Variants in INTS9 observed in about 807,000 individuals in gnomAD.
INTS9 encodes the protein protein related to CPSF subunits of 74 kDa.
A neutral mutation model predicts 79.7 loss-of-function variants in INTS9; 55 were observed. That is an observed-to-expected ratio of 0.69 (90% CI 0.56 to 0.86). INTS9 has a LOEUF of 0.86. Ranked by LOEUF, INTS9 falls within the 40% of genes least tolerant of loss-of-function variation. The pLI is 0.00. For synonymous variants in INTS9, 319 were observed against 325.2 expected (o/e 0.98, Z 0.20); for missense variants, 721 against 831.5 (o/e 0.87, Z 1.64).
Position 28,871,610 on chromosome 8 carries a change from T to G in INTS9, c.10-12047A>C, listed in dbSNP as rs187768894. On this transcript the variant is annotated intron_variant, in intron 1 of 16. Transcript: ENST00000521022. ...TTGTGGAGATGAAGCCTCACTATGT[T>G]GCCCAGGCTGGTCCTGAACTCCTGG... Among the ~76,000 whole-genome samples the G allele has an allele frequency of 3.8e-3, 577 of 152,222 alleles. 2 individuals are homozygous for G. Among genetic ancestry groups the G allele is most frequent in the Non-Finnish European group, 5.6e-3 (378 of 68,014 alleles).
Position 28,771,093 on chromosome 8 carries a change from G to A in INTS9, c.1564-13C>T, listed in dbSNP as rs776534307. 1 of 1,589,314 alleles carries A rather than the reference G, an allele frequency of 6.3e-7. No individual in the cohort carries two copies. The highest frequency in any genetic ancestry group is 1.3e-5 in the African/African-American group (1 of 74,198). Reference sequence around the variant, plus strand: ...GTGAATCTGCGAGCTGAAAGCAAAGGGCGCAGTTCAGGCTGGGGGCCTTTA... The same window carrying A: ...GTGAATCTGCGAGCTGAAAGCAAAGAGCGCAGTTCAGGCTGGGGGCCTTTA... On this transcript the variant is annotated splice_polypyrimidine_tract_variant and intron_variant, in intron 14 of 16. Coordinates refer to ENST00000521022, the MANE Select transcript of INTS9 (RefSeq NM_018250.4).
At position 28,771,162 on chromosome 8, in the gene INTS9, CA is replaced by C. The variant is rs1318955069; in HGVS notation, c.1564-83del. ...CCTTTAATCTGTATTTACATCACTG[CA>C]GTCTAAAAAGATGAAATAACTTTAA... On this transcript the variant is annotated intron_variant, in intron 14 of 16. Coordinates refer to ENST00000521022, the MANE Select transcript of INTS9 (RefSeq NM_018250.4). The C allele has an allele frequency of 3.0e-6, 3 of 1,007,940 alleles. No homozygotes were observed. The East Asian group carries it at 7.8e-5, about 26-fold the overall frequency. The allele number at this position is 1,007,940 out of a possible 1,614,324, so 62.4% of individuals were successfully genotyped here.
intron 6 of INTS9, among the ~76,000 whole-genome samples, chr8:28,815,224 C>G (rs1805399697): frequency 6.6e-6 from 1 of 152,018 alleles, no homozygotes; most frequent in African/African-American, 2.4e-5. Flanking sequence ...ATAAAAAGAG[C>G]TGTTACAAAT....
intron 1 of INTS9, among the ~76,000 whole-genome samples, chr8:28,870,990 C>A (rs1809059713): frequency 6.6e-6 from 1 of 152,120 alleles, no homozygotes; most frequent in African/African-American, 2.4e-5. Context: ...TTAAAGACAG[C>A]GAACATTTAT....
intron 3 of INTS9, among the ~76,000 whole-genome samples, chr8:28,848,545 C>T (rs967047942): frequency 6.6e-6 from 1 of 152,136 alleles, no homozygotes; most frequent in African/African-American, 2.4e-5. Context: ...TTCTTAATTA[C>T]AATGTACCTG....
chr8:28,853,935 G>T (rs182585256), intron 2 of INTS9, among the ~76,000 whole-genome samples: 101 of 152,192 alleles, frequency 6.6e-4, no homozygotes, highest in African/African-American at 2.4e-3. Flanking sequence ...TAACCAGGAT[G>T]GTCTCGATCT....
intron 1 of INTS9, 136 bp from the exon 2 acceptor site, chr8:28,859,699 C>T (rs200707513): frequency 4.9e-5 from 45 of 911,558 alleles, no homozygotes; most frequent in Admixed American, 3.8e-4. Flanking sequence ...ATGTGGTTTC[C>T]GCCCTTTTAC....
At chr8:28,840,199 C>T (rs1350530359) in intron 4 of INTS9, among the ~76,000 whole-genome samples, 2 of 151,152 alleles carry the variant, frequency 1.3e-5, no homozygotes, top group South Asian at 2.1e-4. Flanking sequence ...AAATGCTCAC[C>T]ATCACTGGCC....
At chr8:28,848,583 T>C (rs1807659432) in intron 3 of INTS9, among the ~76,000 whole-genome samples, 1 of 152,206 alleles carries the variant, frequency 6.6e-6, no homozygotes, top group Non-Finnish European at 1.5e-5. Context: ...AGCAATTATG[T>C]TTAATGGGAG....
At chr8:28,887,384 G>T (rs114037416) in intron 1 of INTS9, among the ~76,000 whole-genome samples, 3 of 152,162 alleles carry the variant, frequency 2.0e-5, no homozygotes, top group Admixed American at 6.5e-5. Flanking sequence ...GTTGAATTCC[G>T]ATTACAAAGA....
At chr8:28,777,582 C>T (rs1204770740) in intron 13 of INTS9, among the ~76,000 whole-genome samples, 6 of 150,348 alleles carry the variant, frequency 4.0e-5, no homozygotes, top group African/African-American at 1.2e-4. Context: ...TGCTTTTAAG[C>T]GGACACAGAT....
At chr8:28,875,449 C>T (rs1251029478) in intron 1 of INTS9, among the ~76,000 whole-genome samples, 1 of 152,108 alleles carries the variant, frequency 6.6e-6, no homozygotes, top group Non-Finnish European at 1.5e-5. Context: ...CAGATTTTGC[C>T]TCTCTAGGGA....
chr8:28,841,576 A>C (rs1807187652), intron 4 of INTS9, among the ~76,000 whole-genome samples: 1 of 152,162 alleles, frequency 6.6e-6, no homozygotes, highest in Admixed American at 6.5e-5. Context: ...CATCCAAACC[A>C]CATTTATATA....
At chr8:28,856,798 G>A (rs1279982308) in intron 2 of INTS9, among the ~76,000 whole-genome samples, 1 of 152,044 alleles carries the variant, frequency 6.6e-6, no homozygotes, top group Non-Finnish European at 1.5e-5. Flanking sequence ...TGAGGTTTGG[G>A]GTACAACTGA....
chr8:28,789,773 G>A (rs1202767137), intron 10 of INTS9, among the ~76,000 whole-genome samples: 2 of 152,140 alleles, frequency 1.3e-5, no homozygotes, highest in Non-Finnish European at 2.9e-5. Context: ...AGGTACTCAG[G>A]AGGCTGAGGT....
At chr8:28,779,681 G>A (rs1191635639) in intron 12 of INTS9, among the ~76,000 whole-genome samples, 3 of 152,152 alleles carry the variant, frequency 2.0e-5, no homozygotes, top group Admixed American at 1.3e-4. Flanking sequence ...AACACCAGCC[G>A]GAGTCCTGCA....
At chr8:28,866,340 T>C (rs773575737) in intron 1 of INTS9, among the ~76,000 whole-genome samples, 1 of 152,148 alleles carries the variant, frequency 6.6e-6, no homozygotes, top group Non-Finnish European at 1.5e-5. Flanking sequence ...GGGAGCTCTA[T>C]GAGGAATGGG....
chr8:28,789,774 A>C (rs991106587), intron 10 of INTS9, among the ~76,000 whole-genome samples: 3 of 152,158 alleles, frequency 2.0e-5, no homozygotes, highest in African/African-American at 7.2e-5. Flanking sequence ...GGTACTCAGG[A>C]GGCTGAGGTG....
At chr8:28,823,723 T>C (rs1334578113) in intron 6 of INTS9, among the ~76,000 whole-genome samples, 3 of 151,490 alleles carry the variant, frequency 2.0e-5, no homozygotes, top group Non-Finnish European at 2.9e-5. Flanking sequence ...AATAGGTACA[T>C]AAAACAACTA....
Sources: allele counts gnomAD v4.1 joint callset (sites outside exome capture counted in the v4.1 genomes callset), GRCh38; gene constraint gnomAD v4.1.1; transcripts MANE v1.5; gene names NCBI Gene and HGNC (gene_info 2026-07-23, HGNC 2026-07-21).